Variants in JHY observed in about 807,000 individuals in gnomAD.
JHY encodes the protein jhy protein homolog.
Under a neutral mutation model 78.0 loss-of-function variants are expected in JHY, and 69 were observed. That is an observed-to-expected ratio of 0.88 (90% confidence interval 0.73 to 1.08). The LOEUF is 1.08. Ranked by LOEUF, JHY falls within the 50% of genes least tolerant of loss-of-function variation. JHY has a pLI of 0.00. For synonymous variants in JHY, 368 were observed against 342.6 expected (o/e 1.07, Z -0.82); for missense variants, 944 against 927.8 (o/e 1.02, Z -0.23).
At chr11:122,926,941 A>G (rs942395442) in intron 4 of JHY, 2 of 152,264 alleles carry the variant, frequency 1.3e-5, no homozygotes, top group African/African-American at 4.8e-5. Flanking sequence ...ATACATTTGA[A>G]GCATGTAAGA....
chr11:122,910,618 A>G (rs1003925813), intron 3 of JHY, among the ~76,000 whole-genome samples: 1 of 152,220 alleles, frequency 6.6e-6, no homozygotes, highest in Non-Finnish European at 1.5e-5. Context: ...TTTACTGTGT[A>G]CCTTTTCAAA....
intron 6 of JHY, among the ~76,000 whole-genome samples, chr11:122,951,106 T>G (rs900268486): frequency 6.6e-6 from 1 of 152,182 alleles, no homozygotes; most frequent in African/African-American, 2.4e-5. Flanking sequence ...CATTTGCTGG[T>G]CACGTCAAAT....
At chr11:122,890,722 T>G (rs975680814) in intron 2 of JHY, among the ~76,000 whole-genome samples, 7 of 152,130 alleles carry the variant, frequency 4.6e-5, no homozygotes, top group Non-Finnish European at 8.8e-5. Flanking sequence ...AAATCAAAAT[T>G]ATGGTTAGAT....
Position 122,959,709 on chromosome 11 carries a change from T to C in JHY, c.*264T>C, listed in dbSNP as rs540175984. 1.4e-5 allele frequency: 5 copies of C among 349,114 alleles called. No homozygotes were observed. The South Asian group carries it at 1.9e-4, about 13-fold the overall frequency. The allele number at this position is 349,114 out of a possible 1,614,324, so 21.6% of individuals were successfully genotyped here. ...GAATAATAACTAGAGAATAAAGCTT[T>C]TGTTTTATATTGATCTTTTGATTTC... is the stretch of plus-strand genomic sequence containing the variant. On this transcript the variant is annotated 3_prime_UTR_variant, in exon 9 of 9. Coordinates refer to ENST00000227349, the MANE Select transcript of JHY (RefSeq NM_024806.4).
intron 2 of JHY, among the ~76,000 whole-genome samples, 172 bp from the exon 3 acceptor site, chr11:122,903,753 A>T (rs1862912536): frequency 2.0e-5 from 3 of 152,154 alleles, no homozygotes; most frequent in Admixed American, 6.6e-5. Flanking sequence ...AAGTGTTGGG[A>T]TTACAGGTAT....
At chr11:122,919,615 G>A (rs1006524107) in intron 3 of JHY, among the ~76,000 whole-genome samples, 8 of 152,124 alleles carry the variant, frequency 5.3e-5, no homozygotes, top group African/African-American at 1.9e-4. Flanking sequence ...GTAGGTGACT[G>A]ACCATTAGCT....
intron 5 of JHY, among the ~76,000 whole-genome samples, chr11:122,938,987 T>TTC (rs1491125645): frequency 1.5e-5 from 2 of 130,152 alleles, no homozygotes; most frequent in African/African-American, 5.6e-5. Context: ...CTGCTTCTTC[T>TTC]TTTTTTTTTT....
chr11:122,941,322 C>CAGAT lies in JHY; in HGVS notation c.1635-5174_1635-5171dup, dbSNP rs548195858. On this transcript the variant is annotated intron_variant, in intron 5 of 8. Coordinates refer to ENST00000227349, the MANE Select transcript of JHY (RefSeq NM_024806.4). ...ATTTCTGTATACTAGTGGGGTCACA[C>CAGAT]AGATACCTCAAATCCAACAGCTCTG... 4.6e-5 allele frequency among the ~76,000 whole-genome samples: 7 copies of CAGAT among 152,340 alleles called. No individual in the cohort carries two copies. In the South Asian group the frequency reaches 1.4e-3, roughly 32 times the overall value.
intron 4 of JHY, among the ~76,000 whole-genome samples, chr11:122,927,724 T>G (rs900705340): frequency 6.9e-6 from 1 of 145,288 alleles, no homozygotes; most frequent in Non-Finnish European, 1.5e-5. Context: ...TTCTTTTCTT[T>G]TCTTTTTTCT....
At chr11:122,941,265 C>A (rs1289132446) in intron 5 of JHY, among the ~76,000 whole-genome samples, 1 of 152,152 alleles carries the variant, frequency 6.6e-6, no homozygotes, top group Non-Finnish European at 1.5e-5. Flanking sequence ...GTACCTGAAC[C>A]TCTTTCTATA....
In JHY at chr11:122,946,488, T is replaced by C; in HGVS notation, c.1635-10T>C. On this transcript the variant is annotated splice_polypyrimidine_tract_variant and intron_variant, in intron 5 of 8. Coordinates refer to ENST00000227349, the MANE Select transcript of JHY (RefSeq NM_024806.4). ...ATTAATAGATTTGTGCCTTTTTTTTTTTCATTAAGGAAATTCCATTCTTCT... is the reference window on the plus strand; with the variant it reads ...ATTAATAGATTTGTGCCTTTTTTTTCTTCATTAAGGAAATTCCATTCTTCT... 1 of 1,556,886 alleles carries C rather than the reference T, an allele frequency of 6.4e-7. No homozygotes were observed. Among genetic ancestry groups the C allele is most frequent in the Non-Finnish European group, 8.6e-7 (1 of 1,156,604 alleles).
In JHY at chr11:122,935,003, G is replaced by A. The variant is rs1863723305; in HGVS notation, c.1562G>A (p.Gly521Glu). 1 of 1,611,202 alleles carries A rather than the reference G, an allele frequency of 6.2e-7. No homozygotes were observed. Among genetic ancestry groups the A allele is most frequent in the Non-Finnish European group, 8.5e-7 (1 of 1,179,314 alleles). The change falls in exon 5 of 9, where the codon GGA (glycine) becomes GAA (glutamate). Residue 521 changes from glycine (G) to glutamate (E), a missense_variant. Transcript: ENST00000227349. The surrounding 1 kb of genome is among the most constrained non-coding windows in gnomAD (Gnocchi z 4.5). ...TTTGTTTATCACATAAATACTCATG[G>A]ATCAACCAAAAATAAGAAACAACTC... ...SQFVYHINTH[G>E]STKNKKQLKQ... is the part of the protein sequence containing the mutation.
At chr11:122,925,079 T>C in intron 4 of JHY, 69 bp downstream of exon 4, 7 of 1,190,224 alleles carry the variant, frequency 5.9e-6, no homozygotes, top group Non-Finnish European at 7.4e-6. Context: ...TGATCGTGAC[T>C]GAGTTCTTAT....
chr11:122,946,854 A>G (rs1781780391), intron 6 of JHY, 62 bp downstream of exon 6: 1 of 1,533,120 alleles, frequency 6.5e-7, no homozygotes, highest in South Asian at 1.3e-5. Context: ...ATGGACCTTG[A>G]TGTAATTATA....
intron 8 of JHY, 114 bp downstream of exon 8, chr11:122,957,605 G>C (rs1864220570): frequency 8.9e-7 from 1 of 1,123,438 alleles, no homozygotes. Flanking sequence ...GTCTTGCCCA[G>C]GATGGTCATA....
chr11:122,952,417 A>G (rs1864107768), intron 6 of JHY, among the ~76,000 whole-genome samples: 1 of 152,058 alleles, frequency 6.6e-6, no homozygotes, highest in South Asian at 2.1e-4. Context: ...TAAATCCAAG[A>G]TTTTTCATTG....
At position 122,885,792 on chromosome 11, in the gene JHY, T is replaced by A. The variant is rs1862481040; in HGVS notation, c.-58T>A. 1 of 1,344,082 alleles carries A rather than the reference T, an allele frequency of 7.4e-7. No individual in the cohort carries two copies. The highest frequency in any genetic ancestry group is 1.0e-6 in the Non-Finnish European group (1 of 974,332). The allele number at this position is 1,344,082 out of a possible 1,614,324, so 83.3% of individuals were successfully genotyped here. A position where few individuals can be genotyped will look rare whatever the true frequency, so the allele number is the denominator to read the frequency against. On this transcript the variant is annotated 5_prime_UTR_variant, in exon 2 of 9. Transcript: ENST00000227349. ...CTTTTGTGAACCACAACTTTAAATA[T>A]CAGCCAGCTGCTCCTATCAACACGA...
At chr11:122,953,040 C>T (rs1864122981) in intron 6 of JHY, among the ~76,000 whole-genome samples, 1 of 152,172 alleles carries the variant, frequency 6.6e-6, no homozygotes, top group Admixed American at 6.5e-5. Context: ...TCTTGTGGCT[C>T]CATTGTTAGT....
Position 122,960,921 on chromosome 11 carries a change from C to A in JHY, c.*1476C>A. ...AGTGTATAAGGAAGTAAAGAATCGC[C>A]TGGACTATCATATATCTGTGCAGAA... On this transcript the variant is annotated 3_prime_UTR_variant, in exon 9 of 9. Coordinates refer to ENST00000227349, the MANE Select transcript of JHY (RefSeq NM_024806.4). 1.4e-6 allele frequency: 1 copy of A among 709,848 alleles called. No homozygotes were observed. The highest frequency in any genetic ancestry group is 2.7e-6 in the Non-Finnish European group (1 of 371,028). The allele number at this position is 709,848 out of a possible 1,614,324, so 44.0% of individuals were successfully genotyped here. A position where few individuals can be genotyped will look rare whatever the true frequency, so the allele number is the denominator to read the frequency against.
Sources: allele counts gnomAD v4.1 joint callset (sites outside exome capture counted in the v4.1 genomes callset), GRCh38; gene constraint gnomAD v4.1.1; non-coding constraint Gnocchi (gnomAD v3.1); transcripts MANE v1.5; gene names NCBI Gene and HGNC (gene_info 2026-07-23, HGNC 2026-07-21).